MYO16: variants seen among roughly 807,000 people sequenced by gnomAD.
MYO16 encodes myosin XVI.
In MYO16, 94 loss-of-function variants were observed where a neutral mutation model predicts 205.3. The observed-to-expected ratio is 0.46, with a 90% CI of 0.39 to 0.54. The LOEUF is 0.54. Among genes scored for constraint, MYO16 ranks in the 20% least tolerant of loss-of-function variants. The probability of loss-of-function intolerance (pLI) is 0.00; values close to 1 mark genes in which losing one functional copy is unlikely to be tolerated. For synonymous variants in MYO16, 988 were observed against 954.0 expected (o/e 1.04, Z -0.66); for missense variants, 2,315 against 2,387.5 (o/e 0.97, Z 0.63).
intron 1 of MYO16, among the ~76,000 whole-genome samples, chr13:108,650,946 G>A (rs915350519): frequency 1.3e-5 from 2 of 152,156 alleles, no homozygotes; most frequent in Admixed American, 1.3e-4. Flanking sequence ...TAGCTACGAT[G>A]GGATGTGCCA....
intron 9 of MYO16, among the ~76,000 whole-genome samples, chr13:108,843,452 A>G (rs1423450552): frequency 6.6e-6 from 1 of 152,128 alleles, no homozygotes; most frequent in African/African-American, 2.4e-5. Context: ...GAACTAAACA[A>G]CAAAGGGTGA....
At chr13:108,545,434 T>C in the MYO16 span, among the ~76,000 whole-genome samples, 1 of 152,192 alleles carries the variant, frequency 6.6e-6, no homozygotes, top group Non-Finnish European at 1.5e-5. Context: ...TTCCATGTCT[T>C]TGCTATTGTG....
intron 4 of MYO16, among the ~76,000 whole-genome samples, chr13:108,743,693 C>T (rs1884977202): frequency 6.6e-6 from 1 of 152,152 alleles, no homozygotes; most frequent in African/African-American, 2.4e-5. Flanking sequence ...GGAGTGTGCC[C>T]TGTTCTGTAA....
chr13:109,044,049 T>G (rs1030254924), intron 23 of MYO16, among the ~76,000 whole-genome samples: 3 of 152,134 alleles, frequency 2.0e-5, no homozygotes, highest in African/African-American at 7.2e-5. Flanking sequence ...TCAGAATGAA[T>G]TTGTGGCAGA....
chr13:108,839,112 C>T (rs1327351495), intron 9 of MYO16, among the ~76,000 whole-genome samples: 2 of 152,008 alleles, frequency 1.3e-5, no homozygotes, highest in Non-Finnish European at 2.9e-5. Context: ...GCTGAGGGGA[C>T]TCTGCAGAGT....
the MYO16 span, among the ~76,000 whole-genome samples, chr13:108,581,894 A>G: frequency 9.6e-5 from 13 of 135,896 alleles, no homozygotes; most frequent in African/African-American, 2.4e-4. Context: ...AAAAAAAAAG[A>G]AAAAAAAAAA....
At chr13:108,585,487 G>A in the MYO16 span, among the ~76,000 whole-genome samples, 3 of 152,168 alleles carry the variant, frequency 2.0e-5, no homozygotes, top group Non-Finnish European at 2.9e-5. Context: ...CTCAGAGAGA[G>A]CAGGTTGTAA....
At chr13:108,934,645 T>C (rs1256995438) in intron 16 of MYO16, among the ~76,000 whole-genome samples, 2 of 152,196 alleles carry the variant, frequency 1.3e-5, no homozygotes, top group African/African-American at 4.8e-5. Flanking sequence ...GCAGTTGCTT[T>C]TGAGGATTTA....
chr13:108,755,206 G>C (rs1324664948), intron 4 of MYO16, among the ~76,000 whole-genome samples: 1 of 151,788 alleles, frequency 6.6e-6, no homozygotes, highest in Non-Finnish European at 1.5e-5. Flanking sequence ...GCACTCTGTG[G>C]TGTAGCATGC....
At chr13:109,204,221 G>A (rs1022596231) in intron 34 of MYO16, among the ~76,000 whole-genome samples, 1 of 152,176 alleles carries the variant, frequency 6.6e-6, no homozygotes, top group Non-Finnish European at 1.5e-5. Context: ...CTAAATAAAT[G>A]AATATGAAGT....
At chr13:108,863,086 A>G (rs374961200) in intron 11 of MYO16, among the ~76,000 whole-genome samples, 1 of 152,172 alleles carries the variant, frequency 6.6e-6, no homozygotes, top group African/African-American at 2.4e-5. Context: ...TGCTAAAGTT[A>G]TATGTCAGTA....
At chr13:108,990,392 AT>A (rs1884789449) in intron 20 of MYO16, among the ~76,000 whole-genome samples, 1 of 152,220 alleles carries the variant, frequency 6.6e-6, no homozygotes, top group South Asian at 2.1e-4. Context: ...ACATTTTTAC[AT>A]AACACTTACC....
At chr13:109,016,034 A>G (rs1594471372) in intron 22 of MYO16, among the ~76,000 whole-genome samples, 1 of 151,810 alleles carries the variant, frequency 6.6e-6, no homozygotes, top group Admixed American at 6.6e-5. Flanking sequence ...TCGCTTCTCT[A>G]GTTCTTTTCA....
At chr13:109,123,709 A>G (rs918228523) in intron 29 of MYO16, among the ~76,000 whole-genome samples, 1 of 152,242 alleles carries the variant, frequency 6.6e-6, no homozygotes. Flanking sequence ...AAACGCTTTC[A>G]GCATTTCAGA....
chr13:108,840,858 T>G (rs1877207982), intron 9 of MYO16, among the ~76,000 whole-genome samples: 1 of 152,212 alleles, frequency 6.6e-6, no homozygotes, highest in African/African-American at 2.4e-5. Flanking sequence ...TTTGGAAGAT[T>G]TTCATTCTGA....
At chr13:108,904,392 A>C (rs559531624) in intron 15 of MYO16, among the ~76,000 whole-genome samples, 8 of 152,232 alleles carry the variant, frequency 5.3e-5, no homozygotes, top group African/African-American at 1.7e-4. Context: ...AACTTTGCCA[A>C]CAATGACTTA....
At chr13:108,826,994 C>T (rs986953161) in intron 9 of MYO16, among the ~76,000 whole-genome samples, 2 of 152,124 alleles carry the variant, frequency 1.3e-5, no homozygotes, top group African/African-American at 2.4e-5. Context: ...AACAGTTGAA[C>T]GTAGGTTTAC....
the MYO16 span, among the ~76,000 whole-genome samples, chr13:108,506,449 T>C: frequency 6.6e-6 from 1 of 152,144 alleles, no homozygotes; most frequent in Non-Finnish European, 1.5e-5. Flanking sequence ...TTTTTTAAAT[T>C]TCATTTTTGG....
intron 16 of MYO16, among the ~76,000 whole-genome samples, chr13:108,924,723 C>G (rs6492156): frequency 0.25 from 37,257 of 151,984 alleles, 5,943 homozygotes; most frequent in African/African-American, 0.44. Context: ...TGTGCACACC[C>G]ACAGGGGTCT....
Sources: allele counts gnomAD v4.1 joint callset (sites outside exome capture counted in the v4.1 genomes callset), GRCh38; gene constraint gnomAD v4.1.1; transcripts MANE v1.5; gene names NCBI Gene and HGNC (gene_info 2026-07-23, HGNC 2026-07-21).